Variants in MMP16 observed in about 807,000 individuals in gnomAD.
MMP16 encodes the protein matrix metalloproteinase-16.
MMP16 carries 12 observed loss-of-function variants against 67.8 expected under a neutral mutation model. The ratio of observed to expected loss-of-function variants is 0.18; its 90% CI spans 0.11 to 0.29. The LOEUF (loss-of-function observed/expected upper bound fraction) is 0.29. Ranked by LOEUF, MMP16 falls within the 10% of genes least tolerant of loss-of-function variation. The pLI, the probability that MMP16 is intolerant of heterozygous loss-of-function variation, is 1.00. For synonymous variants in MMP16, 249 were observed against 255.9 expected (o/e 0.97, Z 0.26); for missense variants, 475 against 765.7 (o/e 0.62, Z 4.48).
At chr8:88,315,630 A>G (rs1456992074) in intron 1 of MMP16, among the ~76,000 whole-genome samples, 1 of 152,134 alleles carries the variant, frequency 6.6e-6, no homozygotes, top group East Asian at 1.9e-4. Context: ...TGACTGCTCC[A>G]CTCACTGGCC....
intron 2 of MMP16, among the ~76,000 whole-genome samples, chr8:88,195,639 ATAT>A (rs1563559143): frequency 6.6e-6 from 1 of 152,192 alleles, no homozygotes; most frequent in African/African-American, 2.4e-5. Flanking sequence ...CCTTAAAATG[ATAT>A]TATAGCATTC....
At chr8:88,096,531 C>T (rs183128934) in intron 6 of MMP16, among the ~76,000 whole-genome samples, 489 of 150,522 alleles carry the variant, frequency 3.2e-3, no homozygotes, top group Non-Finnish European at 5.7e-3. Flanking sequence ...TTTTGTCTTT[C>T]GTGTTTTAAA....
intron 4 of MMP16, among the ~76,000 whole-genome samples, chr8:88,151,421 C>T (rs1330244328): frequency 2.0e-5 from 3 of 150,878 alleles, no homozygotes; most frequent in African/African-American, 7.3e-5. Context: ...TTCTTTTCAG[C>T]ACCACACCAC....
intron 1 of MMP16, among the ~76,000 whole-genome samples, chr8:88,299,065 T>C (rs897259436): frequency 6.6e-6 from 1 of 152,124 alleles, no homozygotes; most frequent in African/African-American, 2.4e-5. Context: ...AGATGACAGA[T>C]AACCTTCCAT....
intron 4 of MMP16, among the ~76,000 whole-genome samples, chr8:88,161,704 C>T (rs1282600513): frequency 3.9e-5 from 6 of 151,910 alleles, no homozygotes; most frequent in South Asian, 4.2e-4. Context: ...TATAAATTTC[C>T]GTCTACACAC....
intron 1 of MMP16, among the ~76,000 whole-genome samples, chr8:88,318,697 G>A (rs1811410185): frequency 6.6e-6 from 1 of 152,114 alleles, no homozygotes; most frequent in South Asian, 2.1e-4. Flanking sequence ...CCAACACTGT[G>A]TAACAGAAAT....
rs771743809 is a variant in MMP16 at position 88,174,092 on chromosome 8, T to G, written c.405-6119A>C. ...TAACCTCTTTTCTCTGTATACACTA[T>G]TAAAGTAAAATAACTTCCAGTGTGT... On this transcript the variant is annotated intron_variant, in intron 3 of 9. Transcript: ENST00000286614. 1.4e-4 allele frequency among the ~76,000 whole-genome samples: 21 copies of G among 152,214 alleles called. 1 individual carries two copies. Among genetic ancestry groups the G allele is most frequent in the Admixed American group, 2.0e-4 (3 of 15,286 alleles).
intron 9 of MMP16, among the ~76,000 whole-genome samples, chr8:88,045,165 T>G (rs1808182170): frequency 6.6e-6 from 1 of 152,222 alleles, no homozygotes; most frequent in Non-Finnish European, 1.5e-5. Context: ...TTTTTGACTT[T>G]GCCTCTGCCT....
At chr8:88,103,618 G>C (rs569013636) in intron 6 of MMP16, among the ~76,000 whole-genome samples, 11 of 151,802 alleles carry the variant, frequency 7.2e-5, no homozygotes, top group Admixed American at 1.3e-4. Context: ...CTTGAGATCT[G>C]TTTTGTCCCA....
chr8:88,242,706 G>T (rs908583729), intron 1 of MMP16, among the ~76,000 whole-genome samples: 2 of 152,106 alleles, frequency 1.3e-5, no homozygotes, highest in African/African-American at 4.8e-5. Context: ...ACAGAACTCT[G>T]AAATATTAAG....
chr8:88,102,934 C>T (rs1003349732), intron 6 of MMP16, among the ~76,000 whole-genome samples: 5 of 151,840 alleles, frequency 3.3e-5, no homozygotes, highest in Admixed American at 1.3e-4. Flanking sequence ...CTCATTAGCT[C>T]GGTCCCCTAC....
intron 1 of MMP16, among the ~76,000 whole-genome samples, chr8:88,234,776 A>C (rs4961082): frequency 0.17 from 25,812 of 152,224 alleles, 3,153 homozygotes; most frequent in East Asian, 0.52. Flanking sequence ...GAAAGATGTC[A>C]AGTGGCCTTT....
chr8:88,164,266 T>A (rs77215358), intron 4 of MMP16, among the ~76,000 whole-genome samples: 8,395 of 151,998 alleles, frequency 0.055, 359 homozygotes, highest in Admixed American at 0.11. Context: ...AAGAAAGTAA[T>A]TCAGGTAAGT....
At chr8:88,108,047 A>T (rs1026094524) in intron 6 of MMP16, among the ~76,000 whole-genome samples, 3 of 151,178 alleles carry the variant, frequency 2.0e-5, no homozygotes, top group Non-Finnish European at 4.4e-5. Flanking sequence ...TGAAACTTTT[A>T]TCAATAATAA....
intron 6 of MMP16, among the ~76,000 whole-genome samples, chr8:88,084,776 A>G (rs2118321350): frequency 6.6e-6 from 1 of 152,168 alleles, no homozygotes. Context: ...AATACTCATT[A>G]AAAATCTGGA....
rs1808355140 is a variant in MMP16, at chr8:88,058,204, T to C, written c.1223-1926A>G. On this transcript the variant is annotated intron_variant, in intron 7 of 9. Transcript: ENST00000286614. The surrounding 1 kb of genome is among the most constrained non-coding windows in gnomAD (Gnocchi z 4.2). ...ATCTTTGCAAATCAACATAATGAGT[T>C]GGAATCTTACTTAGAGTGTACTGGA... Among the ~76,000 whole-genome samples, 1 of 152,122 alleles carries C rather than the reference T, an allele frequency of 6.6e-6. No individual in the cohort carries two copies. Among genetic ancestry groups the C allele is most frequent in the Admixed American group, 6.6e-5 (1 of 15,242 alleles).
chr8:88,230,334 A>T (rs1809838287), intron 1 of MMP16, among the ~76,000 whole-genome samples: 1 of 152,162 alleles, frequency 6.6e-6, no homozygotes, highest in African/African-American at 2.4e-5. Flanking sequence ...ACTGAGGGTA[A>T]ACAAAATATA....
At chr8:88,132,947 C>A (rs937903580) in intron 4 of MMP16, among the ~76,000 whole-genome samples, 9 of 151,774 alleles carry the variant, frequency 5.9e-5, no homozygotes, top group African/African-American at 2.2e-4. Context: ...CTAAGTTTTT[C>A]CTATGAAGAA....
chr8:88,299,260 C>T (rs563758023), intron 1 of MMP16, among the ~76,000 whole-genome samples: 1 of 152,094 alleles, frequency 6.6e-6, no homozygotes, highest in African/African-American at 2.4e-5. Context: ...ATGCATAAAC[C>T]CTGGCTTCGT....
Sources: gnomAD v4.1 joint callset for allele counts (sites outside exome capture counted in the v4.1 genomes callset) on GRCh38, gnomAD v4.1.1 for gene constraint, Gnocchi (gnomAD v3.1) non-coding constraint, MANE v1.5 for transcripts, NCBI Gene and HGNC (gene_info 2026-07-23, HGNC 2026-07-21) for gene names.